Variants in CUX1 observed in about 807,000 individuals in gnomAD.
CUX1 encodes cut like homeobox 1.
A neutral mutation model predicts 158.8 loss-of-function variants in CUX1; 31 were observed. That is an observed-to-expected ratio of 0.20 (90% CI 0.15 to 0.26). The LOEUF is 0.26. Ranked by LOEUF, CUX1 falls within the 10% of genes least tolerant of loss-of-function variation. The probability of loss-of-function intolerance (pLI) is 1.00; values close to 1 mark genes in which losing one functional copy is unlikely to be tolerated. For missense variants in CUX1, 1,589 were observed against 2,014.6 expected (o/e 0.79, Z 4.04); for synonymous variants, 879 against 862.1 (o/e 1.02, Z -0.34).
chr7:101,843,526 T>G (rs1422689437), intron 1 of CUX1, among the ~76,000 whole-genome samples: 1 of 152,254 alleles, frequency 6.6e-6, no homozygotes, highest in African/African-American at 2.4e-5. Context: ...GTGATTATTC[T>G]TAAAATTATT....
intron 1 of CUX1, among the ~76,000 whole-genome samples, chr7:101,901,062 A>G (rs529220216): frequency 1.3e-5 from 2 of 152,216 alleles, no homozygotes; most frequent in South Asian, 2.1e-4. Context: ...TATTTTACCA[A>G]TGGGAAAATC....
intron 20 of CUX1, among the ~76,000 whole-genome samples, chr7:102,215,208 G>A (rs1326635806): frequency 1.4e-5 from 2 of 142,418 alleles, no homozygotes; most frequent in African/African-American, 5.2e-5. Flanking sequence ...CATTCTAAGA[G>A]CATGGCAATG....
chr7:102,283,733 T>C (rs1278603032), exon 23 of CUX1: 1 of 152,394 alleles, frequency 6.6e-6, no homozygotes, highest in African/African-American at 2.4e-5. Flanking sequence ...TTTAGCAAGA[T>C]ATTCTGGTTT....
rs1789869804 is a variant in CUX1, at chr7:102,256,137, C to G, written c.*7095C>G. 6.1e-6 allele frequency: 6 copies of G among 985,446 alleles called. No individual in the cohort carries two copies. In the South Asian group the frequency reaches 2.3e-4, roughly 39 times the overall value. The allele number at this position is 985,446 out of a possible 1,614,324, so 61.0% of individuals were successfully genotyped here. On this transcript the variant is annotated 3_prime_UTR_variant, in exon 24 of 24. Coordinates refer to ENST00000292535, the MANE Select transcript of CUX1 (RefSeq NM_181552.4). ...CAGGGCCCGCGGGCTCTGGCCGGAG[C>G]CGCTGGCCTGACGAGGCAGGATAGG...
chr7:102,067,836 A>T (rs1585510241), intron 3 of CUX1, among the ~76,000 whole-genome samples: 1 of 132,982 alleles, frequency 7.5e-6, no homozygotes, highest in African/African-American at 3.0e-5. Flanking sequence ...GGCCAACATG[A>T]CGAAACCCCG....
At chr7:101,988,876 G>C (rs553839850) in intron 2 of CUX1, among the ~76,000 whole-genome samples, 9 of 152,204 alleles carry the variant, frequency 5.9e-5, no homozygotes, top group African/African-American at 2.2e-4. Flanking sequence ...GCATGCACCT[G>C]TGGTCCCAGC....
Position 102,255,196 on chromosome 7 carries a change from T to G in CUX1, c.*6154T>G, listed in dbSNP as rs1789766637. 4.1e-6 allele frequency: 4 copies of G among 985,382 alleles called. No individual in the cohort carries two copies. Among genetic ancestry groups the G allele is most frequent in the South Asian group, 4.7e-5 (1 of 21,282 alleles). 61.0% of individuals were successfully genotyped at this position (985,382 alleles called of 1,614,324 possible). ...GTCTGCCCGACTTCCAAAAACTGCC[T>G]CCTCCTGCCCAGGCCTCTCCCACCA... On this transcript the variant is annotated 3_prime_UTR_variant, in exon 24 of 24. Coordinates refer to ENST00000292535, the MANE Select transcript of CUX1 (RefSeq NM_181552.4).
At chr7:101,874,356 C>T (rs376185063) in intron 1 of CUX1, among the ~76,000 whole-genome samples, 2 of 152,144 alleles carry the variant, frequency 1.3e-5, no homozygotes, top group East Asian at 3.9e-4. Context: ...GACTGGAAGG[C>T]AGATAGTATT....
downstream of CUX1, among the ~76,000 whole-genome samples, chr7:102,259,385 C>T (rs1790205398): frequency 6.6e-6 from 1 of 152,084 alleles, no homozygotes; most frequent in African/African-American, 2.4e-5. Context: ...GTCAGGAGTT[C>T]AAGACCAGCC....
intron 20 of CUX1, chr7:102,281,756 A>T: frequency 1.2e-6 from 1 of 856,040 alleles, no homozygotes; most frequent in Non-Finnish European, 2.0e-6. Context: ...TTGCCACCCT[A>T]GGGCCCTTTC....
intron 1 of CUX1, among the ~76,000 whole-genome samples, chr7:101,860,296 G>A (rs1164434974): frequency 2.0e-5 from 3 of 152,074 alleles, no homozygotes; most frequent in Admixed American, 1.3e-4. Flanking sequence ...CCAAACTATT[G>A]GCCTGTCTAG....
intron 2 of CUX1, among the ~76,000 whole-genome samples, chr7:101,947,345 G>A (rs1181546726): frequency 6.6e-6 from 1 of 152,142 alleles, no homozygotes; most frequent in Non-Finnish European, 1.5e-5. Flanking sequence ...AGTGAGCCGT[G>A]ATCATGCCAC....
At chr7:101,897,649 GTTTACTGTT>G (rs541998990) in intron 1 of CUX1, among the ~76,000 whole-genome samples, 132 of 152,306 alleles carry the variant, frequency 8.7e-4, no homozygotes, top group African/African-American at 3.1e-3. Context: ...ATGGGCAACA[GTTTACTGTT>G]TTCACACCCA....
intron 2 of CUX1, among the ~76,000 whole-genome samples, chr7:101,985,274 G>C (rs939088495): frequency 6.6e-6 from 1 of 152,194 alleles, no homozygotes; most frequent in Non-Finnish European, 1.5e-5. Flanking sequence ...AGACGGGAGA[G>C]GGGGGTCGTG....
At chr7:101,893,158 C>CTTTTTTTTTTTTTTTT (rs10589615) in intron 1 of CUX1, among the ~76,000 whole-genome samples, 3 of 64,954 alleles carry the variant, frequency 4.6e-5, no homozygotes, top group Admixed American at 2.4e-4. Context: ...ATTTTTATTA[C>CTTTTTTTTTTTTTTTT]TTTTTTTTTT....
Position 102,201,358 on chromosome 7 carries a change from A to G in CUX1, c.2063-2A>G, listed in dbSNP as rs1554519615. The G allele has an allele frequency of 1.2e-6, 2 of 1,612,212 alleles. No individual in the cohort carries two copies. Among genetic ancestry groups the G allele is most frequent in the East Asian group, 2.2e-5 (1 of 44,844 alleles). On this transcript the variant is annotated splice_acceptor_variant, in intron 17 of 23. Coordinates refer to ENST00000292535, the MANE Select transcript of CUX1 (RefSeq NM_181552.4). LOFTEE classifies it high-confidence loss of function. The surrounding 1 kb of genome is among the most constrained non-coding windows in gnomAD (Gnocchi z 5.0). ...CACTCTCACCCCTGTTTCTCCATGC[A>G]GCAGAGCCGGCCCAGCCTTCCTCCG...
intron 3 of CUX1, among the ~76,000 whole-genome samples, chr7:102,058,539 T>C (rs1824414816): frequency 6.6e-6 from 1 of 152,092 alleles, no homozygotes; most frequent in Non-Finnish European, 1.5e-5. Flanking sequence ...TTTCTCAGCC[T>C]CCCAAAGTGC....
At chr7:102,144,234 G>T (rs1363816002) in intron 8 of CUX1, among the ~76,000 whole-genome samples, 1 of 152,140 alleles carries the variant, frequency 6.6e-6, no homozygotes, top group Non-Finnish European at 1.5e-5. Flanking sequence ...ATCAGTGCAC[G>T]CTTTACAATT....
intron 11 of CUX1, among the ~76,000 whole-genome samples, chr7:102,187,750 C>A (rs535466154): frequency 4.6e-5 from 7 of 151,904 alleles, no homozygotes; most frequent in African/African-American, 1.7e-4. Flanking sequence ...ACCTCATGAT[C>A]CACCCACCTT....
Sources: gnomAD v4.1 joint callset for allele counts (sites outside exome capture counted in the v4.1 genomes callset) on GRCh38, gnomAD v4.1.1 for gene constraint, Gnocchi (gnomAD v3.1) non-coding constraint, MANE v1.5 for transcripts, NCBI Gene and HGNC (gene_info 2026-07-23, HGNC 2026-07-21) for gene names.